The following ACTL6A variants were observed in gnomAD, a reference collection of about 807,000 sequenced individuals.
ACTL6A encodes the protein actin-like protein 6A.
A neutral mutation model predicts 59.2 loss-of-function variants in ACTL6A; 5 were observed. The ratio of observed to expected loss-of-function variants is 0.08; its 90% CI spans 0.04 to 0.18. The LOEUF (loss-of-function observed/expected upper bound fraction) is 0.18, where lower values mean the gene tolerates loss of function less well. Ranked by LOEUF, ACTL6A falls within the 10% of genes least tolerant of loss-of-function variation. The pLI, the probability that ACTL6A is intolerant of heterozygous loss-of-function variation, is 1.00. For missense variants in ACTL6A, 285 were observed against 526.9 expected, an observed-to-expected ratio of 0.54 and a Z score of 4.49; for synonymous variants, 154 against 171.8, an observed-to-expected ratio of 0.90 and a Z score of 0.81.
chr3:179,587,251 C>T (rs566095361), intron 13 of ACTL6A, among the ~76,000 whole-genome samples: 1 of 151,778 alleles, frequency 6.6e-6, no homozygotes, highest in Non-Finnish European at 1.5e-5. Context: ...TATATGTATA[C>T]TGTATATAAA....
Position 179,563,583 on chromosome 3 carries a change from T to C in ACTL6A, c.25+466T>C, listed in dbSNP as rs550436773. Among the ~76,000 whole-genome samples the C allele has an allele frequency of 4.6e-5, 7 of 152,214 alleles. No individual in the cohort carries two copies. The East Asian group carries it at 1.2e-3, about 25-fold the overall frequency. On this transcript the variant is annotated intron_variant, in intron 1 of 13. Transcript: ENST00000429709. The stretch of plus-strand genomic sequence containing the variant: ...GACGGAGGGTTCCCAGAGTGTCCCA[T>C]AGGTGGCAAAGCGAGCCTCAAGCCG...
intron 1 of ACTL6A, 39 bp from the exon 2 acceptor site, chr3:179,569,785 T>C (rs558973076): frequency 1.2e-4 from 197 of 1,577,084 alleles, no homozygotes; most frequent in Non-Finnish European, 1.6e-4. Context: ...TATGATACTT[T>C]TGCAAGCTGT....
chr3:179,574,544 A>G, intron 5 of ACTL6A, 77 bp downstream of exon 5: 1 of 1,033,328 alleles, frequency 9.7e-7, no homozygotes, highest in Non-Finnish European at 1.5e-6. Flanking sequence ...GGGAGAAGAC[A>G]TACGCCAATT....
chr3:179,587,899 A>G, intron 13 of ACTL6A, 31 bp from the exon 14 acceptor site: 1 of 1,567,726 alleles, frequency 6.4e-7, no homozygotes, highest in Non-Finnish European at 8.6e-7. Context: ...GAAGTAAGGC[A>G]TAATTATATA....
rs770894350 is a variant in ACTL6A, at chr3:179,580,642, T to C, written c.771T>C (p.Cys257=). Residue 257 remains cysteine, a splice_region_variant and synonymous_variant, in exon 9 of 14, where the codon TGT becomes TGC. Transcript: ENST00000429709. ...TRSWHNYMCN[C]VIQDFQASVL... is the part of the protein sequence containing the mutation. ...TTACTTTTTTCTTTTACTCACAGTG[T>C]GTTATCCAGGATTTTCAAGCTTCGG... is the stretch of plus-strand genomic sequence containing the variant. The C allele has an allele frequency of 1.2e-6, 2 of 1,604,208 alleles. No homozygotes were observed. The highest frequency in any genetic ancestry group is 2.2e-5 in the South Asian group (2 of 89,520).
At chr3:179,581,641 T>C (rs1369446582) in intron 11 of ACTL6A, among the ~76,000 whole-genome samples, 2 of 152,216 alleles carry the variant, frequency 1.3e-5, no homozygotes, top group South Asian at 4.1e-4. Flanking sequence ...TTCTTACAGA[T>C]AGCACAACTT....
At chr3:179,573,559 AT>A in intron 4 of ACTL6A, 90 bp downstream of exon 4, 1 of 871,600 alleles carries the variant, frequency 1.1e-6, no homozygotes, top group Non-Finnish European at 1.7e-6. Context: ...TTTGATGAAC[AT>A]TTTTCTTTAA....
intron 3 of ACTL6A, among the ~76,000 whole-genome samples, chr3:179,571,074 A>G (rs924335566): frequency 6.6e-6 from 1 of 152,152 alleles, no homozygotes; most frequent in African/African-American, 2.4e-5. Context: ...AGAGAGTACC[A>G]TGCATTGAGA....
At chr3:179,587,035 A>T (rs1389556549) in intron 13 of ACTL6A, among the ~76,000 whole-genome samples, 2 of 152,312 alleles carry the variant, frequency 1.3e-5, no homozygotes, top group African/African-American at 4.8e-5. Context: ...GTCTTGGAGC[A>T]AATGGTGAAG....
chr3:179,577,146 G>C (rs933445965), intron 8 of ACTL6A, among the ~76,000 whole-genome samples: 1 of 151,964 alleles, frequency 6.6e-6, no homozygotes, highest in Non-Finnish European at 1.5e-5. Context: ...TCTGTGAGAG[G>C]CATGCTTTTC....
In ACTL6A at chr3:179,577,013, G is replaced by A. The variant is rs2292906; in HGVS notation, c.768+100G>A. ...CTGTAAATCCTTGAGTAAAATATGG[G>A]CACTTTATATTTTCAAGCTCTTTAT... On this transcript the variant is annotated intron_variant, in intron 8 of 13. Transcript: ENST00000429709. The A allele has an allele frequency of 4.0e-3, 3,095 of 765,150 alleles. 95 individuals carry two copies. In the East Asian group the frequency reaches 0.057, roughly 14 times the overall value. 47.4% of individuals were successfully genotyped at this position (765,150 alleles called of 1,614,324 possible). A position where few individuals can be genotyped will look rare whatever the true frequency, so the allele number is the denominator to read the frequency against.
At chr3:179,581,973 T>G (rs116719926) in intron 11 of ACTL6A, among the ~76,000 whole-genome samples, 1,708 of 152,338 alleles carry the variant, frequency 0.011, 34 homozygotes, top group African/African-American at 0.039. Context: ...CCAATTCAGC[T>G]TATCACCCAC....
At chr3:179,572,395 T>A (rs1437807735) in intron 3 of ACTL6A, among the ~76,000 whole-genome samples, 3 of 152,138 alleles carry the variant, frequency 2.0e-5, no homozygotes, top group African/African-American at 7.2e-5. Flanking sequence ...ATTAATGACA[T>A]TTTTTCTTTG....
chr3:179,586,642 T>C lies in ACTL6A; in HGVS notation c.1209+10T>C, dbSNP rs1718500733. The C allele has an allele frequency of 1.3e-6, 2 of 1,584,136 alleles. No individual in the cohort carries two copies. The highest frequency in any genetic ancestry group is 4.5e-5 in the East Asian group (2 of 44,470). On this transcript the variant is annotated intron_variant, in intron 13 of 13. Coordinates refer to ENST00000429709, the MANE Select transcript of ACTL6A (RefSeq NM_004301.5). ...CATTCTAGCCTCTTTGGTTAGTAGA[T>C]GAGCTACTTTGCAAAAATATTCTTA...
At chr3:179,573,520 C>T (rs6443657) in intron 4 of ACTL6A, 51 bp downstream of exon 4, 92,353 of 951,380 alleles carry the variant, frequency 0.097, 1 homozygote, top group East Asian at 0.2. Context: ...TTTTTTTTTT[C>T]TTTTTTTTTT....
chr3:179,567,961 C>T (rs1717887930), intron 1 of ACTL6A, among the ~76,000 whole-genome samples: 1 of 152,006 alleles, frequency 6.6e-6, no homozygotes, highest in South Asian at 2.1e-4. Flanking sequence ...ATCACGAGGT[C>T]AGGAGTTTGA....
At chr3:179,569,671 CA>C in intron 1 of ACTL6A, 152 bp from the exon 2 acceptor site, 1 of 659,330 alleles carries the variant, frequency 1.5e-6, no homozygotes, top group South Asian at 1.9e-5. Context: ...CTTATGTCTA[CA>C]AAAAATTTAA....
chr3:179,587,866 A>AAT (rs1718556946), intron 13 of ACTL6A, 64 bp from the exon 14 acceptor site: 27 of 1,354,048 alleles, frequency 2.0e-5, no homozygotes, highest in Admixed American at 5.1e-5. Context: ...AAAAAAAAAA[A>AAT]TTTTTTAAGC....
At chr3:179,564,325 T>A (rs996526338) in intron 1 of ACTL6A, among the ~76,000 whole-genome samples, 2 of 152,138 alleles carry the variant, frequency 1.3e-5, no homozygotes, top group South Asian at 4.1e-4. Context: ...AAAATAAGAT[T>A]TTTCCTTCAT....
Sources: allele counts gnomAD v4.1 joint callset (sites outside exome capture counted in the v4.1 genomes callset), GRCh38; gene constraint gnomAD v4.1.1; transcripts MANE v1.5; gene names NCBI Gene and HGNC (gene_info 2026-07-23, HGNC 2026-07-21).